The following ZSCAN5A variants were observed in gnomAD, a reference collection of about 807,000 sequenced individuals.
ZSCAN5A encodes zinc finger and SCAN domain containing 5A, also known as zinc finger and SCAN domain-containing protein 5A.
A neutral mutation model predicts 23.7 loss-of-function variants in ZSCAN5A; 12 were observed. The observed-to-expected ratio is 0.51, with a 90% confidence interval of 0.32 to 0.82. The LOEUF (loss-of-function observed/expected upper bound fraction) is 0.82, where lower values mean the gene tolerates loss of function less well. Ranked by LOEUF, ZSCAN5A falls within the 40% of genes least tolerant of loss-of-function variation. The pLI is 0.03. For synonymous variants in ZSCAN5A, 257 were observed against 239.9 expected (o/e 1.07, Z -0.66); for missense variants, 597 against 617.9 (o/e 0.97, Z 0.36).
rs117889703 is a variant in ZSCAN5A, at chr19:56,254,138, G to A, written c.-127-28965C>T. Among the ~76,000 whole-genome samples the A allele has an allele frequency of 4.7e-3, 706 of 150,484 alleles. 2 individuals carry two copies. Among genetic ancestry groups the A allele is most frequent in the South Asian group, 9.6e-3 (46 of 4,772 alleles). On this transcript the variant is annotated intron_variant, in intron 2 of 5. Transcript: ENST00000683990. ...TGGTGGTTCATATGATGGTTCACTCGATCTGACATTTTTTTCTTGTACTCT... is the reference window on the plus strand; with the variant it reads ...TGGTGGTTCATATGATGGTTCACTCAATCTGACATTTTTTTCTTGTACTCT...
Position 56,246,022 on chromosome 19 carries a change from CA to C in ZSCAN5A, c.-127-20850del, listed in dbSNP as rs2035864600. On this transcript the variant is annotated intron_variant, in intron 2 of 5. Coordinates refer to ENST00000683990, the MANE Select transcript of ZSCAN5A (RefSeq NM_001322064.3). ...CCTAGAGTCATGCTCCTTCCAGTGT[CA>C]GGGGCAGGGAGACGTTGGCACAGCG... Among the ~76,000 whole-genome samples the C allele has an allele frequency of 2.0e-5, 3 of 152,148 alleles. 1 individual carries two copies. The South Asian group carries it at 6.2e-4, about 32-fold the overall frequency.
chr19:56,291,132 A>G (rs2039482521), intron 2 of ZSCAN5A, among the ~76,000 whole-genome samples: 1 of 152,190 alleles, frequency 6.6e-6, no homozygotes, highest in African/African-American at 2.4e-5. Flanking sequence ...CCGAGCTCAC[A>G]GGACCGTTGC....
At chr19:56,265,906 T>C (rs936007378) in intron 2 of ZSCAN5A, among the ~76,000 whole-genome samples, 1 of 152,152 alleles carries the variant, frequency 6.6e-6, no homozygotes, top group Non-Finnish European at 1.5e-5. Context: ...TTGCTTTTCA[T>C]TATGAGAAAA....
Position 56,225,105 on chromosome 19 carries a change from AATTGATACCT to A in ZSCAN5A, c.-69_-60del. ...AAAGCTCTTCCAGTAGCTGGTATCTAATTGATACCTATCTACACAGGCTTCCTCTGGTTTT... is the reference window on the plus strand; with the variant it reads ...AAAGCTCTTCCAGTAGCTGGTATCTAATCTACACAGGCTTCCTCTGGTTTT... On this transcript the variant is annotated 5_prime_UTR_variant, in exon 3 of 6. Transcript: ENST00000683990. 1.3e-6 allele frequency: 2 copies of A among 1,521,972 alleles called. No homozygotes were observed. The highest frequency in any genetic ancestry group is 1.8e-6 in the Non-Finnish European group (2 of 1,141,172). The allele number at this position is 1,521,972 out of a possible 1,614,324, so 94.3% of individuals were successfully genotyped here.
intron 2 of ZSCAN5A, among the ~76,000 whole-genome samples, chr19:56,308,918 C>T (rs1320420076): frequency 6.6e-6 from 1 of 152,168 alleles, no homozygotes; most frequent in African/African-American, 2.4e-5. Context: ...TGCTTTCAAC[C>T]CATTAGGCAA....
At position 56,302,008 on chromosome 19, in the gene ZSCAN5A, C is replaced by A. The variant is rs573703922; in HGVS notation, c.-128+11275G>T. On this transcript the variant is annotated intron_variant, in intron 2 of 5. Coordinates refer to ENST00000683990, the MANE Select transcript of ZSCAN5A (RefSeq NM_001322064.3). ...GCACCACCCCATCCAGGAAACCACT[C>A]CCCAAGAGGAAGAACACGTGGAACT... is the stretch of plus-strand genomic sequence containing the variant. 9.7e-6 allele frequency: 12 copies of A among 1,232,082 alleles called. No homozygotes were observed. The East Asian group carries it at 3.5e-4, about 36-fold the overall frequency. 76.3% of individuals were successfully genotyped at this position (1,232,082 alleles called of 1,614,324 possible). A position where few individuals can be genotyped will look rare whatever the true frequency, so the allele number is the denominator to read the frequency against.
At chr19:56,297,577 TC>T in intron 2 of ZSCAN5A, 1 of 953,900 alleles carries the variant, frequency 1.0e-6, no homozygotes, top group Non-Finnish European at 1.2e-6. Context: ...AGACAGTGTG[TC>T]CCTTCTGTCT....
chr19:56,301,991 C>G, intron 2 of ZSCAN5A: 1 of 1,232,092 alleles, frequency 8.1e-7, no homozygotes, highest in Non-Finnish European at 1.0e-6. Context: ...AGGCACCACC[C>G]CATCCAGGAA....
rs2147392209 is a variant in ZSCAN5A at position 56,313,356 on chromosome 19, G to C, written c.-201C>G. ...GCACGTCTCACATGGCAGCAGACAAGAGAAGAGAGCTTGAGCAGGGAACCT... is the reference window on the plus strand; with the variant it reads ...GCACGTCTCACATGGCAGCAGACAACAGAAGAGAGCTTGAGCAGGGAACCT... On this transcript the variant is annotated 5_prime_UTR_variant, in exon 2 of 6. Transcript: ENST00000683990. 4.1e-6 allele frequency: 1 copy of C among 242,738 alleles called. No individual in the cohort carries two copies. Among genetic ancestry groups the C allele is most frequent in the African/African-American group, 2.3e-5 (1 of 42,686 alleles). 15.0% of individuals were successfully genotyped at this position (242,738 alleles called of 1,614,324 possible).
chr19:56,288,565 C>A (rs1053680690), intron 2 of ZSCAN5A, among the ~76,000 whole-genome samples: 1 of 152,188 alleles, frequency 6.6e-6, no homozygotes, highest in African/African-American at 2.4e-5. Context: ...TCTGTGAGCT[C>A]CCTGAGCAGC....
intron 2 of ZSCAN5A, among the ~76,000 whole-genome samples, chr19:56,330,497 G>GT (rs1024234548): frequency 1.8e-4 from 27 of 151,862 alleles, no homozygotes; most frequent in South Asian, 4.2e-4. Flanking sequence ...AGCATCTCTT[G>GT]TTTTTTTTAC....
intron 2 of ZSCAN5A, among the ~76,000 whole-genome samples, chr19:56,309,775 C>T (rs117797618): frequency 2.0e-5 from 3 of 152,322 alleles, no homozygotes; most frequent in Admixed American, 6.5e-5. Flanking sequence ...AGCTCAGGCC[C>T]GGCGCCGGGA....
At position 56,313,858 on chromosome 19, in the gene ZSCAN5A, T is replaced by C. The variant is rs146059406; in HGVS notation, c.-229-474A>G. 1.1e-3 allele frequency among the ~76,000 whole-genome samples: 166 copies of C among 152,340 alleles called. 3 individuals are homozygous for C. Among genetic ancestry groups the C allele is most frequent in the African/African-American group, 3.8e-3 (156 of 41,574 alleles). ...ACATTCATATCAGATTTCAATCATC[T>C]GGTGAGAGTTTACTGGGTGACCAAG... On this transcript the variant is annotated intron_variant, in intron 1 of 5. Transcript: ENST00000683990.
intron 2 of ZSCAN5A, among the ~76,000 whole-genome samples, chr19:56,268,089 C>G (rs1232291935): frequency 1.3e-5 from 2 of 152,184 alleles, no homozygotes; most frequent in African/African-American, 2.4e-5. Flanking sequence ...TAGTGGGGGA[C>G]AGAAGACTCC....
At position 56,310,641 on chromosome 19, in the gene ZSCAN5A, C is replaced by G. The variant is rs1437381095; in HGVS notation, c.-128+2642G>C. Among the ~76,000 whole-genome samples the G allele has an allele frequency of 2.0e-5, 3 of 152,360 alleles. No homozygotes were observed. In the East Asian group the frequency reaches 5.8e-4, roughly 29 times the overall value. On this transcript the variant is annotated intron_variant, in intron 2 of 5. Coordinates refer to ENST00000683990, the MANE Select transcript of ZSCAN5A (RefSeq NM_001322064.3). ...AGCTGAGATTTGACCCAGTTGGACT[C>G]ATTCCAAAGTCCGTATTCTTTTGTG... is the stretch of plus-strand genomic sequence containing the variant.
chr19:56,228,196 C>G (rs1414041733), intron 2 of ZSCAN5A: 1 of 984,790 alleles, frequency 1.0e-6, no homozygotes, highest in African/African-American at 1.8e-5. Flanking sequence ...CTTTCTGAAA[C>G]CAACCCCCGA....
chr19:56,247,139 C>G lies in ZSCAN5A; in HGVS notation c.-127-21966G>C, dbSNP rs745970444. On this transcript the variant is annotated intron_variant, in intron 2 of 5. Transcript: ENST00000683990. ...ATGAGATCACACACAGGAGAGAGAC[C>G]CTTTCAATGTAATTTCTGTGAGAGG... 4.5e-6 allele frequency: 3 copies of G among 662,012 alleles called. No homozygotes were observed. The East Asian group carries it at 7.7e-5, about 17-fold the overall frequency. 41.0% of individuals were successfully genotyped at this position (662,012 alleles called of 1,614,324 possible). A position where few individuals can be genotyped will look rare whatever the true frequency, so the allele number is the denominator to read the frequency against.
intron 2 of ZSCAN5A, among the ~76,000 whole-genome samples, chr19:56,292,810 C>A (rs112140130): frequency 1.3e-5 from 2 of 152,316 alleles, no homozygotes; most frequent in South Asian, 4.1e-4. Flanking sequence ...GAAGTAGAAT[C>A]GTACACGATG....
chr19:56,273,582 C>G (rs1454834151), intron 2 of ZSCAN5A, among the ~76,000 whole-genome samples: 1 of 152,100 alleles, frequency 6.6e-6, no homozygotes, highest in African/African-American at 2.4e-5. Flanking sequence ...AGCTGGCCAG[C>G]TGAAGAGTTA....
Sources: gnomAD v4.1 joint callset for allele counts (sites outside exome capture counted in the v4.1 genomes callset) on GRCh38, gnomAD v4.1.1 for gene constraint, MANE v1.5 for transcripts, NCBI Gene and HGNC (gene_info 2026-07-23, HGNC 2026-07-21) for gene names.